The following THSD7B variants were observed in gnomAD, a reference collection of about 807,000 sequenced individuals.
THSD7B encodes thrombospondin type 1 domain containing 7B, also known as thrombospondin type-1 domain-containing protein 7B.
In THSD7B, 138 loss-of-function variants were observed where a neutral mutation model predicts 213.6. That is an observed-to-expected ratio of 0.65 (90% CI 0.56 to 0.74). THSD7B has a LOEUF of 0.74. THSD7B is among the 30% of genes least tolerant of loss of function. The pLI is 0.00. For synonymous variants in THSD7B, 742 were observed against 687.0 expected (o/e 1.08, Z -1.25); for missense variants, 1,931 against 1,991.5 (o/e 0.97, Z 0.58).
intron 1 of THSD7B, among the ~76,000 whole-genome samples, chr2:136,795,735 C>T (rs921171302): frequency 6.6e-6 from 1 of 151,886 alleles, no homozygotes; most frequent in African/African-American, 2.4e-5. Context: ...CTCACTCCAA[C>T]CCCTCTCTCT....
At chr2:137,065,701 T>C (rs1295964383) in intron 3 of THSD7B, among the ~76,000 whole-genome samples, 1 of 152,102 alleles carries the variant, frequency 6.6e-6, no homozygotes, top group Non-Finnish European at 1.5e-5. Flanking sequence ...ATATCAGTTA[T>C]ACATATCTTA....
chr2:136,964,038 A>C (rs1685274591), intron 2 of THSD7B, among the ~76,000 whole-genome samples: 1 of 152,160 alleles, frequency 6.6e-6, no homozygotes, highest in East Asian at 1.9e-4. Context: ...GCAACTGAAC[A>C]CAGCTGGAGA....
chr2:136,996,370 C>T (rs1685890449), intron 2 of THSD7B, among the ~76,000 whole-genome samples: 1 of 150,442 alleles, frequency 6.6e-6, no homozygotes, highest in Non-Finnish European at 1.5e-5. Context: ...CAGACAAGGT[C>T]TTGCTTTGTC....
intron 20 of THSD7B, among the ~76,000 whole-genome samples, chr2:137,638,671 G>A (rs1466785139): frequency 6.6e-6 from 1 of 152,190 alleles, no homozygotes; most frequent in Non-Finnish European, 1.5e-5. Context: ...GAGATTCGTT[G>A]AATGGCTTCA....
At chr2:137,554,241 G>A (rs1680906082) in intron 15 of THSD7B, among the ~76,000 whole-genome samples, 1 of 152,104 alleles carries the variant, frequency 6.6e-6, no homozygotes, top group African/African-American at 2.4e-5. Context: ...TTAGCAACCT[G>A]TGTCCCTTCA....
intron 15 of THSD7B, among the ~76,000 whole-genome samples, chr2:137,527,585 A>C (rs1680302221): frequency 6.6e-6 from 1 of 152,070 alleles, no homozygotes; most frequent in Admixed American, 6.6e-5. Context: ...ATTTTGAAGA[A>C]TCATGTGTCC....
chr2:137,599,129 C>T (rs867295669), intron 17 of THSD7B, among the ~76,000 whole-genome samples: 10 of 147,606 alleles, frequency 6.8e-5, no homozygotes, highest in South Asian at 6.5e-4. Context: ...TGAGAATATA[C>T]GGTGTTTGGT....
intron 14 of THSD7B, among the ~76,000 whole-genome samples, chr2:137,439,652 C>T (rs1011786177): frequency 6.6e-6 from 1 of 152,004 alleles, no homozygotes; most frequent in Non-Finnish European, 1.5e-5. Flanking sequence ...TAATTTTACA[C>T]CTTGGTGATA....
At chr2:137,208,859 A>G (rs775298988) in intron 7 of THSD7B, among the ~76,000 whole-genome samples, 1 of 152,100 alleles carries the variant, frequency 6.6e-6, no homozygotes, top group Non-Finnish European at 1.5e-5. Flanking sequence ...GGCTAATCTT[A>G]GGATCTACAA....
intron 8 of THSD7B, among the ~76,000 whole-genome samples, chr2:137,232,032 A>C (rs986284701): frequency 2.0e-5 from 3 of 152,180 alleles, no homozygotes; most frequent in Non-Finnish European, 2.9e-5. Context: ...CTTAAAGTGA[A>C]GATGGTTCCT....
chr2:137,344,571 T>A lies in THSD7B; in HGVS notation c.2501-61042T>A, dbSNP rs185505681. Among the ~76,000 whole-genome samples the A allele has an allele frequency of 2.6e-5, 4 of 151,764 alleles. No homozygotes were observed. The East Asian group carries it at 7.8e-4, about 30-fold the overall frequency. On this transcript the variant is annotated intron_variant, in intron 12 of 27. Transcript: ENST00000409968. ...TTACAAATAGCCCCGATCGATTTTCTCCCATCCACGGGAGGAATAAGTGGA... is the reference window on the plus strand; with the variant it reads ...TTACAAATAGCCCCGATCGATTTTCACCCATCCACGGGAGGAATAAGTGGA...
chr2:137,384,936 C>T (rs1685858193), intron 12 of THSD7B, among the ~76,000 whole-genome samples: 2 of 152,032 alleles, frequency 1.3e-5, no homozygotes, highest in African/African-American at 4.8e-5. Flanking sequence ...GGATGAGGCA[C>T]CTGACCAGGC....
chr2:136,965,661 C>T (rs747787494), intron 2 of THSD7B, among the ~76,000 whole-genome samples: 34 of 152,160 alleles, frequency 2.2e-4, no homozygotes, highest in Non-Finnish European at 1.5e-4. Flanking sequence ...TTCTATATGA[C>T]TCTGTTAGTC....
chr2:136,808,917 C>T (rs1022117256), intron 1 of THSD7B, among the ~76,000 whole-genome samples: 5 of 152,054 alleles, frequency 3.3e-5, no homozygotes, highest in Non-Finnish European at 7.4e-5. Flanking sequence ...CTATAAAAAC[C>T]TTGCACAAGT....
At chr2:137,280,989 G>A (rs565623195) in intron 12 of THSD7B, among the ~76,000 whole-genome samples, 10 of 152,190 alleles carry the variant, frequency 6.6e-5, no homozygotes, top group African/African-American at 2.4e-4. Context: ...CAGCCCGTGA[G>A]TATACTCTGT....
At chr2:137,275,848 T>C (rs1264275562) in intron 11 of THSD7B, 75 bp from the exon 12 acceptor site, 1 of 1,146,506 alleles carries the variant, frequency 8.7e-7, no homozygotes, top group Non-Finnish European at 1.3e-6. Flanking sequence ...TTTTTAAACT[T>C]CAAACATATG....
At chr2:137,373,633 T>C (rs1685584964) in intron 12 of THSD7B, among the ~76,000 whole-genome samples, 1 of 152,224 alleles carries the variant, frequency 6.6e-6, no homozygotes, top group South Asian at 2.1e-4. Flanking sequence ...AAAAATTTTC[T>C]CCCATTTTGT....
intron 2 of THSD7B, among the ~76,000 whole-genome samples, chr2:136,910,718 G>C (rs900294421): frequency 2.0e-5 from 3 of 152,044 alleles, no homozygotes; most frequent in African/African-American, 7.2e-5. Flanking sequence ...TGCCGGTTTT[G>C]CTACTACTTT....
At chr2:136,996,535 G>T (rs1006037451) in intron 2 of THSD7B, among the ~76,000 whole-genome samples, 1 of 151,816 alleles carries the variant, frequency 6.6e-6, no homozygotes, top group South Asian at 2.1e-4. Flanking sequence ...TGTAGAGATG[G>T]GGTCTTTCTT....
Sources: gnomAD v4.1 joint callset for allele counts (sites outside exome capture counted in the v4.1 genomes callset) on GRCh38, gnomAD v4.1.1 for gene constraint, MANE v1.5 for transcripts, NCBI Gene and HGNC (gene_info 2026-07-23, HGNC 2026-07-21) for gene names.